GNPAT: variants seen among roughly 807,000 people sequenced by gnomAD.
GNPAT encodes dihydroxyacetone phosphate acyltransferase.
In GNPAT, 30 loss-of-function variants were observed where a neutral mutation model predicts 78.4. That is an observed-to-expected ratio of 0.38 (90% confidence interval 0.29 to 0.52). The LOEUF is 0.52. Ranked by LOEUF, GNPAT falls within the 20% of genes least tolerant of loss-of-function variation. The probability of loss-of-function intolerance (pLI) is 0.84; values close to 1 mark genes in which losing one functional copy is unlikely to be tolerated. For synonymous variants in GNPAT, 271 were observed against 281.1 expected (o/e 0.96, Z 0.36); for missense variants, 714 against 812.2 (o/e 0.88, Z 1.47).
At chr1:231,275,832 T>C (rs1685697581) in intron 14 of GNPAT, among the ~76,000 whole-genome samples, 2 of 152,214 alleles carry the variant, frequency 1.3e-5, no homozygotes, top group African/African-American at 2.4e-5. Flanking sequence ...ACATAATACA[T>C]ATATAGATAC....
intron 1 of GNPAT, among the ~76,000 whole-genome samples, chr1:231,250,324 G>A (rs948573876): frequency 1.3e-4 from 20 of 151,942 alleles, no homozygotes; most frequent in Non-Finnish European, 2.6e-4. Context: ...CTAGCTACTC[G>A]AGAGGCTGAG....
chr1:231,243,804 G>T (rs192912121), intron 1 of GNPAT, among the ~76,000 whole-genome samples: 2 of 152,088 alleles, frequency 1.3e-5, no homozygotes, highest in Non-Finnish European at 2.9e-5. Context: ...TTTATGTGTC[G>T]TGTTTACATA....
chr1:231,261,626 A>G (rs533209156), intron 3 of GNPAT, among the ~76,000 whole-genome samples: 1 of 152,132 alleles, frequency 6.6e-6, no homozygotes, highest in African/African-American at 2.4e-5. Flanking sequence ...AGACTCTTTG[A>G]AAATGGCTAA....
At chr1:231,248,096 G>C (rs1684796683) in intron 1 of GNPAT, among the ~76,000 whole-genome samples, 1 of 152,104 alleles carries the variant, frequency 6.6e-6, no homozygotes, top group Non-Finnish European at 1.5e-5. Context: ...GGGAGTTGGG[G>C]GCACCAACCC....
At position 231,270,990 on chromosome 1, in the gene GNPAT, G is replaced by A; in HGVS notation, c.1512G>A (p.Gly504=). 6.2e-7 allele frequency: 1 copy of A among 1,614,150 alleles called. No individual in the cohort carries two copies. The highest frequency in any genetic ancestry group is 2.2e-5 in the East Asian group (1 of 44,892). ...CAGTAGCATTGCAGATGACACCAGG[G>A]TTCAGGAAAGGTAATTTTCAGGAAT... ...LVAVALQMTP[G]FRKEDVYSCF... Residue 504 remains glycine (G), a synonymous_variant, in exon 10 of 16, where the codon GGG becomes GGA. Transcript: ENST00000366647.
intron 6 of GNPAT, 34 bp from the exon 7 acceptor site, chr1:231,265,980 A>G (rs1685372164): frequency 6.3e-7 from 1 of 1,588,636 alleles, no homozygotes; most frequent in Non-Finnish European, 8.6e-7. Context: ...GCTCTTCAAT[A>G]TGTTGATGAA....
At chr1:231,250,893 A>G (rs896451943) in intron 1 of GNPAT, 68 bp from the exon 2 acceptor site, 6 of 992,798 alleles carry the variant, frequency 6.0e-6, no homozygotes, top group Middle Eastern at 3.1e-4. Flanking sequence ...AACCTTACCA[A>G]TGTAGTCTTT....
At chr1:231,255,587 CT>C (rs1344014255) in intron 2 of GNPAT, among the ~76,000 whole-genome samples, 1 of 152,032 alleles carries the variant, frequency 6.6e-6, no homozygotes, top group Admixed American at 6.6e-5. Flanking sequence ...CCATGCCCAG[CT>C]TTTTTTGTTT....
rs534645951 is a variant in GNPAT, at chr1:231,253,160, G to A, written c.261+2017G>A. Among the ~76,000 whole-genome samples, 109 of 151,972 alleles carry A rather than the reference G, an allele frequency of 7.2e-4. 1 individual carries two copies. The highest frequency in any genetic ancestry group is 2.5e-3 in the African/African-American group (102 of 41,454). On this transcript the variant is annotated intron_variant, in intron 2 of 15. Coordinates refer to ENST00000366647, the MANE Select transcript of GNPAT (RefSeq NM_014236.4). ...ATTTTTTGTATTTTTTAGCAGAGACGGGGTTTCACCATGTTAGCAAGGATG... is the reference window on the plus strand; with the variant it reads ...ATTTTTTGTATTTTTTAGCAGAGACAGGGTTTCACCATGTTAGCAAGGATG...
At chr1:231,267,194 GCTCTGTGCAGGCCTTATTGTA>G (rs781537804) in intron 8 of GNPAT, among the ~76,000 whole-genome samples, 18 of 152,310 alleles carry the variant, frequency 1.2e-4, no homozygotes, top group South Asian at 6.2e-4. Flanking sequence ...GCTCCAGCCA[GCTCTGTGCAGGCCTTATTGTA>G]CTATTCAAAG....
intron 1 of GNPAT, among the ~76,000 whole-genome samples, chr1:231,248,499 G>C (rs1479474035): frequency 6.6e-6 from 1 of 151,878 alleles, no homozygotes; most frequent in Non-Finnish European, 1.5e-5. Flanking sequence ...AGGCCAAGGT[G>C]GGAAGATAAT....
intron 2 of GNPAT, among the ~76,000 whole-genome samples, chr1:231,259,090 G>A (rs192393472): frequency 1.0e-3 from 155 of 151,370 alleles, no homozygotes; most frequent in African/African-American, 3.6e-3. Flanking sequence ...ACTGTCTTTA[G>A]TTCCTCAGCA....
intron 1 of GNPAT, among the ~76,000 whole-genome samples, chr1:231,246,007 G>A (rs554192823): frequency 3.9e-5 from 6 of 152,194 alleles, no homozygotes; most frequent in Admixed American, 6.5e-5. Context: ...GTAAATTTAC[G>A]ATTAAATCCT....
intron 10 of GNPAT, among the ~76,000 whole-genome samples, chr1:231,271,800 A>G (rs762040490): frequency 2.6e-5 from 4 of 152,162 alleles, no homozygotes; most frequent in East Asian, 1.9e-4. Context: ...GTTAGAGTCA[A>G]TCATTTAAAA....
Position 231,262,668 on chromosome 1 carries a change from G to C in GNPAT, c.439-55G>C, listed in dbSNP as rs373067484. 33 of 1,384,578 alleles carry C rather than the reference G, an allele frequency of 2.4e-5. No homozygotes were observed. The African/African-American group carries it at 4.0e-4, about 17-fold the overall frequency. The allele number at this position is 1,384,578 out of a possible 1,614,324, so 85.8% of individuals were successfully genotyped here. ...ATTCTTCCGTTTTCTGATTTGAGAT[G>C]TGATTTGATAACATGACAACTGAAA... On this transcript the variant is annotated intron_variant, in intron 3 of 15. Transcript: ENST00000366647.
At chr1:231,268,923 G>A (rs1685470887) in intron 9 of GNPAT, among the ~76,000 whole-genome samples, 1 of 146,648 alleles carries the variant, frequency 6.8e-6, no homozygotes, top group Non-Finnish European at 1.5e-5. Flanking sequence ...AAAAAAAATT[G>A]TACAGGCTAC....
At position 231,265,277 on chromosome 1, in the gene GNPAT, A is replaced by T; in HGVS notation, c.569-16A>T. On this transcript the variant is annotated splice_polypyrimidine_tract_variant and intron_variant, in intron 4 of 15. Transcript: ENST00000366647. ...ATTTCAAGATCTGCAAATAAATATTATCCCCTCTTTTTTAGACTTCCTGGG... is the reference window on the plus strand; with the variant it reads ...ATTTCAAGATCTGCAAATAAATATTTTCCCCTCTTTTTTAGACTTCCTGGG... 1 of 1,586,482 alleles carries T rather than the reference A, an allele frequency of 6.3e-7. No individual in the cohort carries two copies. Among genetic ancestry groups the T allele is most frequent in the Non-Finnish European group, 8.7e-7 (1 of 1,154,660 alleles).
At chr1:231,245,788 C>T (rs1045219399) in intron 1 of GNPAT, among the ~76,000 whole-genome samples, 5 of 152,056 alleles carry the variant, frequency 3.3e-5, no homozygotes, top group East Asian at 1.9e-4. Context: ...TGACCAACAT[C>T]GAGAAACCCC....
chr1:231,252,991 C>T (rs558298390), intron 2 of GNPAT, among the ~76,000 whole-genome samples: 100 of 152,144 alleles, frequency 6.6e-4, no homozygotes, highest in Admixed American at 9.2e-4. Context: ...TTTTTTGAGA[C>T]GGAGTCTTAC....
Sources: allele counts gnomAD v4.1 joint callset (sites outside exome capture counted in the v4.1 genomes callset), GRCh38; gene constraint gnomAD v4.1.1; transcripts MANE v1.5; gene names NCBI Gene and HGNC (gene_info 2026-07-23, HGNC 2026-07-21).